Variants in NFKB1 observed in about 807,000 individuals in gnomAD.
NFKB1 encodes nuclear factor NF-kappa-B p105 subunit.
NFKB1 carries 9 observed loss-of-function variants against 105.1 expected under a neutral mutation model. That is an observed-to-expected ratio of 0.09 (90% confidence interval 0.05 to 0.15). The LOEUF (loss-of-function observed/expected upper bound fraction) is 0.15, where lower values mean the gene tolerates loss of function less well. Among genes scored for constraint, NFKB1 ranks in the 10% least tolerant of loss-of-function variants. The pLI is 1.00. For synonymous variants in NFKB1, 440 were observed against 442.2 expected, an observed-to-expected ratio of 1.00 and a Z score of 0.06; for missense variants, 830 against 1,203.7, an observed-to-expected ratio of 0.69 and a Z score of 4.59.
intron 1 of NFKB1, among the ~76,000 whole-genome samples, chr4:102,515,979 C>T (rs1392641530): frequency 6.6e-6 from 1 of 152,088 alleles, no homozygotes; most frequent in Non-Finnish European, 1.5e-5. Context: ...ATGTCAATTT[C>T]ACCTTTATTT....
At chr4:102,553,462 T>C (rs996579966) in intron 5 of NFKB1, among the ~76,000 whole-genome samples, 1 of 152,170 alleles carries the variant, frequency 6.6e-6, no homozygotes, top group African/African-American at 2.4e-5. Flanking sequence ...TAAAATCATT[T>C]TAAAAGAATG....
At position 102,579,078 on chromosome 4, in the gene NFKB1, A is replaced by G. The variant is rs764580899; in HGVS notation, c.730+39A>G. Reference sequence around the variant, plus strand: ...TTCCAACAGGGGGCACACCAAGAATAGACTTCCAGCCCTGCCCTGCCATTT... The same window carrying G: ...TTCCAACAGGGGGCACACCAAGAATGGACTTCCAGCCCTGCCCTGCCATTT... On this transcript the variant is annotated intron_variant, in intron 8 of 23. Coordinates refer to ENST00000226574, the MANE Select transcript of NFKB1 (RefSeq NM_003998.4). The G allele has an allele frequency of 3.1e-6, 5 of 1,594,232 alleles. No individual in the cohort carries two copies. In the East Asian group the frequency reaches 1.1e-4, roughly 36 times the overall value.
At chr4:102,603,095 C>A (rs1400214149) in intron 16 of NFKB1, among the ~76,000 whole-genome samples, 2 of 152,006 alleles carry the variant, frequency 1.3e-5, no homozygotes, top group Non-Finnish European at 2.9e-5. Flanking sequence ...TTTTTGGAGA[C>A]AGAGTCTCAC....
chr4:102,587,528 A>T (rs1326021521), intron 11 of NFKB1, among the ~76,000 whole-genome samples: 1 of 151,970 alleles, frequency 6.6e-6, no homozygotes, highest in Non-Finnish European at 1.5e-5. Flanking sequence ...TAGTGGGGGT[A>T]TATTCAGGTG....
intron 5 of NFKB1, among the ~76,000 whole-genome samples, chr4:102,549,846 C>A (rs138228354): frequency 6.6e-6 from 1 of 152,266 alleles, no homozygotes; most frequent in East Asian, 1.9e-4. Context: ...GTCTTATTGG[C>A]TGTGCCTTCA....
chr4:102,502,204 C>T (rs557813246), intron 1 of NFKB1: 16 of 152,372 alleles, frequency 1.1e-4, no homozygotes, highest in Admixed American at 9.8e-4. Flanking sequence ...CAGATTTCAC[C>T]TAAGGGCGTT....
rs1726660800 is a variant in NFKB1, at chr4:102,596,889, G to A, written c.1495+557G>A. 6.6e-5 allele frequency among the ~76,000 whole-genome samples: 10 copies of A among 151,882 alleles called. No individual in the cohort carries two copies. The South Asian group carries it at 1.9e-3, about 28-fold the overall frequency. ...AAAGCAAAGGTAGTAAATATTTAGA[G>A]TTGGTGGCCACATGTGGTGTCTATC... On this transcript the variant is annotated intron_variant, in intron 14 of 23. Coordinates refer to ENST00000226574, the MANE Select transcript of NFKB1 (RefSeq NM_003998.4).
intron 1 of NFKB1, among the ~76,000 whole-genome samples, chr4:102,510,617 A>T (rs1193262302): frequency 6.6e-6 from 1 of 152,216 alleles, no homozygotes; most frequent in Non-Finnish European, 1.5e-5. Context: ...TTTGTCGATA[A>T]TAAGTTATAA....
intron 14 of NFKB1, 127 bp from the exon 15 acceptor site, chr4:102,597,393 C>A (rs1274475871): frequency 1.0e-6 from 1 of 997,470 alleles, no homozygotes; most frequent in African/African-American, 1.6e-5. Flanking sequence ...ATTGAAAGAA[C>A]ATTTTCAACT....
At chr4:102,584,338 A>G (rs2149192062) in intron 10 of NFKB1, among the ~76,000 whole-genome samples, 1 of 152,296 alleles carries the variant, frequency 6.6e-6, no homozygotes, top group Admixed American at 6.5e-5. Flanking sequence ...ATAATCTTGG[A>G]GGCTTTTAAG....
chr4:102,586,399 G>A (rs528352504), intron 11 of NFKB1, among the ~76,000 whole-genome samples: 1 of 152,224 alleles, frequency 6.6e-6, no homozygotes, highest in East Asian at 1.9e-4. Flanking sequence ...TTATATTTTA[G>A]GTCCCTGTGG....
At chr4:102,583,014 C>A in intron 10 of NFKB1, 57 bp downstream of exon 10, 2 of 1,225,814 alleles carry the variant, frequency 1.6e-6, no homozygotes, top group Non-Finnish European at 2.4e-6. Flanking sequence ...GGATCTCACT[C>A]TGACACCCAG....
At chr4:102,538,667 T>C (rs938489447) in intron 5 of NFKB1, among the ~76,000 whole-genome samples, 1 of 152,200 alleles carries the variant, frequency 6.6e-6, no homozygotes, top group African/African-American at 2.4e-5. Context: ...TTTAAGTTAA[T>C]ATGAGACTTT....
At chr4:102,611,539 T>C (rs138054690) in intron 20 of NFKB1, among the ~76,000 whole-genome samples, 4 of 152,346 alleles carry the variant, frequency 2.6e-5, no homozygotes, top group Non-Finnish European at 5.9e-5. Flanking sequence ...CTAAGACAAT[T>C]CTGGACCCTC....
At chr4:102,508,556 T>G (rs554201906) in intron 1 of NFKB1, among the ~76,000 whole-genome samples, 1 of 152,244 alleles carries the variant, frequency 6.6e-6, no homozygotes, top group East Asian at 1.9e-4. Context: ...TACTGCTAAT[T>G]TCAAACCAAG....
chr4:102,578,869 G>A lies in NFKB1; in HGVS notation c.572-12G>A, dbSNP rs776750761. ...TCCCTGGGCATGAATGGACTGTGCT[G>A]TATGGCCCTAGATCGGGAAAAAGAG... On this transcript the variant is annotated splice_polypyrimidine_tract_variant and intron_variant, in intron 7 of 23. Coordinates refer to ENST00000226574, the MANE Select transcript of NFKB1 (RefSeq NM_003998.4). 9.9e-6 allele frequency: 16 copies of A among 1,613,800 alleles called. No individual in the cohort carries two copies. The South Asian group carries it at 1.1e-4, about 11-fold the overall frequency.
At position 102,603,323 on chromosome 4, in the gene NFKB1, G is replaced by A. The variant is rs369473653; in HGVS notation, c.1752+2314G>A. ...CCTGATCTCGTAATCTGCCAGCCTCGGCCTCCCAAAGTGCTGGGATTACAG... is the reference window on the plus strand; with the variant it reads ...CCTGATCTCGTAATCTGCCAGCCTCAGCCTCCCAAAGTGCTGGGATTACAG... On this transcript the variant is annotated intron_variant, in intron 16 of 23. Coordinates refer to ENST00000226574, the MANE Select transcript of NFKB1 (RefSeq NM_003998.4). 1.2e-4 allele frequency among the ~76,000 whole-genome samples: 18 copies of A among 151,966 alleles called. No individual in the cohort carries two copies. In the East Asian group the frequency reaches 2.3e-3, roughly 20 times the overall value.
chr4:102,568,896 T>C (rs1724090829), intron 6 of NFKB1, among the ~76,000 whole-genome samples: 1 of 152,124 alleles, frequency 6.6e-6, no homozygotes. Context: ...GCATCTCAGC[T>C]CCTGAATTTG....
intron 5 of NFKB1, among the ~76,000 whole-genome samples, chr4:102,547,550 T>C (rs2149138873): frequency 6.6e-6 from 1 of 152,328 alleles, no homozygotes; most frequent in South Asian, 2.1e-4. Context: ...AAGCATCAGC[T>C]TCCTTATCTA....
Sources: gnomAD v4.1 joint callset for allele counts (sites outside exome capture counted in the v4.1 genomes callset) on GRCh38, gnomAD v4.1.1 for gene constraint, MANE v1.5 for transcripts, NCBI Gene and HGNC (gene_info 2026-07-23, HGNC 2026-07-21) for gene names.